CTNNA2: variants seen among roughly 807,000 people sequenced by gnomAD.
CTNNA2 encodes catenin alpha-2.
In CTNNA2, 42 loss-of-function variants were observed where a neutral mutation model predicts 101.0. The observed-to-expected ratio is 0.42, with a 90% CI of 0.32 to 0.54. The LOEUF is 0.54. Ranked by LOEUF, CTNNA2 falls within the 20% of genes least tolerant of loss-of-function variation. CTNNA2 has a pLI of 0.14. For missense variants in CTNNA2, 871 were observed against 1,223.1 expected, an observed-to-expected ratio of 0.71 and a Z score of 4.29; for synonymous variants, 450 against 456.4, an observed-to-expected ratio of 0.99 and a Z score of 0.18.
chr2:79,584,868 T>C (rs1676380454), intron 1 of CTNNA2, among the ~76,000 whole-genome samples: 1 of 152,214 alleles, frequency 6.6e-6, no homozygotes, highest in Non-Finnish European at 1.5e-5. Context: ...TCTGGCTCTG[T>C]GTATGCACCA....
intron 7 of CTNNA2, among the ~76,000 whole-genome samples, chr2:80,030,277 TCTTA>T (rs1695205608): frequency 6.6e-6 from 1 of 151,894 alleles, no homozygotes; most frequent in East Asian, 1.9e-4. Flanking sequence ...GCTAAGTGTC[TCTTA>T]GACTGTCCCA....
chr2:80,628,969 A>G (rs569617671), intron 18 of CTNNA2, among the ~76,000 whole-genome samples: 1 of 152,180 alleles, frequency 6.6e-6, no homozygotes, highest in South Asian at 2.1e-4. Context: ...AAGTTGCCTC[A>G]CCTCTCTGAG....
chr2:80,539,537 C>G (rs970006761), intron 9 of CTNNA2, among the ~76,000 whole-genome samples: 1 of 152,072 alleles, frequency 6.6e-6, no homozygotes, highest in African/African-American at 2.4e-5. Context: ...TTCCACTTAG[C>G]AGCACTGGTC....
rs185960328 is a variant in CTNNA2 at position 79,297,687 on chromosome 2, A to G, written c.-405-15022A>G. On this transcript the variant is annotated intron_variant, in intron 2 of 21. Transcript: ENST00000466387. ...ACTATTTATCTCTCTATCTATATCT[A>G]TCTATCTAATCTTTCATCTACTCAT... Among the ~76,000 whole-genome samples the G allele has an allele frequency of 3.7e-3, 568 of 152,298 alleles. 2 individuals carry two copies. The highest frequency in any genetic ancestry group is 5.6e-3 in the Non-Finnish European group (382 of 68,016).
chr2:79,311,774 G>A (rs1676380568), intron 2 of CTNNA2, among the ~76,000 whole-genome samples: 2 of 152,032 alleles, frequency 1.3e-5, no homozygotes, highest in African/African-American at 2.4e-5. Flanking sequence ...CTGATCTATT[G>A]GTTGCCTCAT....
At chr2:79,383,882 G>A (rs951536020) in intron 4 of CTNNA2, among the ~76,000 whole-genome samples, 4 of 152,130 alleles carry the variant, frequency 2.6e-5, no homozygotes, top group Non-Finnish European at 4.4e-5. Flanking sequence ...CCTGTCTTAT[G>A]TTTGCATGGC....
At position 79,778,848 on chromosome 2, in the gene CTNNA2, AAAATC is replaced by A. The variant is rs151292646; in HGVS notation, c.298+34270_298+34274del. Among the ~76,000 whole-genome samples the A allele has an allele frequency of 5.6e-3, 855 of 152,336 alleles. 6 individuals carry two copies. Among genetic ancestry groups the A allele is most frequent in the African/African-American group, 0.019 (783 of 41,578 alleles). On this transcript the variant is annotated intron_variant, in intron 3 of 18. Transcript: ENST00000402739. Reference sequence around the variant, plus strand: ...ATTTAAGGTTTTTATGCCAGTTTGAAAAATCAAAGTTATTAGATAGATATTTAAAC... The same window carrying A: ...ATTTAAGGTTTTTATGCCAGTTTGAAAAAGTTATTAGATAGATATTTAAAC...
chr2:79,887,823 C>A (rs1683998621), intron 6 of CTNNA2, among the ~76,000 whole-genome samples: 1 of 152,094 alleles, frequency 6.6e-6, no homozygotes, highest in Non-Finnish European at 1.5e-5. Flanking sequence ...GGAGTACCTT[C>A]CAAATTTATT....
In CTNNA2 at chr2:80,279,460, T is replaced by G. The variant is rs549702827; in HGVS notation, c.1057-113751T>G. On this transcript the variant is annotated intron_variant, in intron 7 of 18. Coordinates refer to ENST00000402739, the MANE Select transcript of CTNNA2 (RefSeq NM_001282597.3). ...AGAAAAACCGTTTTTCTTTTACATC[T>G]GTTTAATGAGGGCATTAGTTTTGAT... Among the ~76,000 whole-genome samples the G allele has an allele frequency of 4.6e-5, 7 of 152,328 alleles. No homozygotes were observed. In the South Asian group the frequency reaches 1.5e-3, roughly 32 times the overall value.
intron 7 of CTNNA2, among the ~76,000 whole-genome samples, chr2:80,385,265 G>A (rs1471126109): frequency 6.6e-6 from 1 of 152,168 alleles, no homozygotes; most frequent in African/African-American, 2.4e-5. Flanking sequence ...AATGGGATTA[G>A]TGGAGGCCTT....
At chr2:79,186,145 G>A (rs1673776287) in intron 1 of CTNNA2, among the ~76,000 whole-genome samples, 1 of 152,258 alleles carries the variant, frequency 6.6e-6, no homozygotes, top group African/African-American at 2.4e-5. Flanking sequence ...TGGTGATGAG[G>A]TGACCTGGGT....
At position 79,408,532 on chromosome 2, in the gene CTNNA2, C is replaced by T. The variant is rs1405429250; in HGVS notation, c.-135+34519C>T. Among the ~76,000 whole-genome samples, 6 of 149,926 alleles carry T rather than the reference C, an allele frequency of 4.0e-5. No homozygotes were observed. In the South Asian group the frequency reaches 1.3e-3, roughly 32 times the overall value. On this transcript the variant is annotated intron_variant, in intron 4 of 21. Coordinates refer to the CTNNA2 transcript ENST00000466387. The stretch of plus-strand genomic sequence containing the variant: ...ATGTGCTCTCATTGTTCAATTCCCA[C>T]CTATGAGTGAGAACATGCGGTATTT...
intron 6 of CTNNA2, among the ~76,000 whole-genome samples, chr2:79,899,494 T>C (rs1300815154): frequency 1.3e-5 from 2 of 152,202 alleles, no homozygotes; most frequent in East Asian, 3.9e-4. Flanking sequence ...GTTTATTCAT[T>C]TGCTTTGGTA....
intron 4 of CTNNA2, among the ~76,000 whole-genome samples, chr2:79,399,774 C>T (rs929533204): frequency 4.0e-5 from 6 of 151,792 alleles, no homozygotes; most frequent in Non-Finnish European, 7.4e-5. Flanking sequence ...CTGAGAAAGC[C>T]TAGATGTCAG....
intron 7 of CTNNA2, among the ~76,000 whole-genome samples, chr2:80,065,629 A>G (rs1035380281): frequency 1.4e-4 from 21 of 152,026 alleles, no homozygotes; most frequent in African/African-American, 5.1e-4. Context: ...TGGGATTACA[A>G]GCATGAGCCA....
intron 1 of CTNNA2, among the ~76,000 whole-genome samples, chr2:79,621,210 C>T (rs1678977172): frequency 6.6e-6 from 1 of 152,178 alleles, no homozygotes; most frequent in African/African-American, 2.4e-5. Flanking sequence ...AGTTAGTCTA[C>T]ACACATGTTT....
intron 9 of CTNNA2, among the ~76,000 whole-genome samples, chr2:80,433,131 G>T (rs776858381): frequency 6.6e-6 from 1 of 152,156 alleles, no homozygotes; most frequent in African/African-American, 2.4e-5. Context: ...AAAAAGTCAA[G>T]TCTTTTCAAG....
chr2:79,216,186 G>T (rs1330666037), intron 2 of CTNNA2, among the ~76,000 whole-genome samples: 1 of 152,164 alleles, frequency 6.6e-6, no homozygotes, highest in Non-Finnish European at 1.5e-5. Context: ...GGGTCAAGCG[G>T]CATTGTAGAA....
intron 9 of CTNNA2, among the ~76,000 whole-genome samples, chr2:80,500,603 T>C (rs970074054): frequency 2.4e-4 from 37 of 152,324 alleles, no homozygotes; most frequent in African/African-American, 8.9e-4. Flanking sequence ...TGGAGAGTAG[T>C]GTGCAGCGGA....
Sources: allele counts gnomAD v4.1 joint callset (sites outside exome capture counted in the v4.1 genomes callset), GRCh38; gene constraint gnomAD v4.1.1; transcripts MANE v1.5; gene names NCBI Gene and HGNC (gene_info 2026-07-23, HGNC 2026-07-21).